The following FCHSD2 variants were observed in gnomAD, a reference collection of about 807,000 sequenced individuals.
FCHSD2 encodes the protein F-BAR and double SH3 domains protein 2.
A neutral mutation model predicts 108.1 loss-of-function variants in FCHSD2; 38 were observed. That is an observed-to-expected ratio of 0.35 (90% CI 0.27 to 0.46). FCHSD2 has a LOEUF of 0.46. Among genes scored for constraint, FCHSD2 ranks in the 20% least tolerant of loss-of-function variants. FCHSD2 has a pLI of 1.00. For synonymous variants in FCHSD2, 279 were observed against 314.7 expected, an observed-to-expected ratio of 0.89 and a Z score of 1.20; for missense variants, 751 against 897.8, an observed-to-expected ratio of 0.84 and a Z score of 2.09.
At chr11:72,932,268 T>G (rs1856208913) in intron 8 of FCHSD2, among the ~76,000 whole-genome samples, 1 of 152,220 alleles carries the variant, frequency 6.6e-6, no homozygotes, top group African/African-American at 2.4e-5. Flanking sequence ...TGCAGCAATC[T>G]TCTGTTGCCC....
chr11:73,120,584 C>T (rs1293881475), intron 2 of FCHSD2, among the ~76,000 whole-genome samples: 1 of 151,930 alleles, frequency 6.6e-6, no homozygotes, highest in Admixed American at 6.6e-5. Context: ...ACAAAATTAG[C>T]CGGGCGTGGT....
rs189844708 is a variant in FCHSD2 at position 72,915,446 on chromosome 11, C to T, written c.828+6382G>A. 3.9e-4 allele frequency among the ~76,000 whole-genome samples: 59 copies of T among 152,286 alleles called. No homozygotes were observed. The East Asian group carries it at 0.011, about 28-fold the overall frequency. On this transcript the variant is annotated intron_variant, in intron 9 of 19. Transcript: ENST00000409418. ...GTTCTATTATAAAGACATATGCCTG[C>T]TTATGTTCATTGCAGCACCATTCAC...
chr11:73,102,719 C>T lies in FCHSD2; in HGVS notation c.120-18979G>A, dbSNP rs1208024323. Among the ~76,000 whole-genome samples the T allele has an allele frequency of 2.0e-5, 3 of 152,180 alleles. No individual in the cohort carries two copies. In the East Asian group the frequency reaches 5.8e-4, roughly 29 times the overall value. On this transcript the variant is annotated intron_variant, in intron 2 of 19. Transcript: ENST00000409418. ...CCTTCTCTCTCTTTTTGCCCTTCTA[C>T]CTTTCTGCCATGTGATAATGCATCA...
Position 73,141,998 on chromosome 11 carries a change from G to T in FCHSD2, c.-121C>A. 1.0e-6 allele frequency: 1 copy of T among 988,690 alleles called. No homozygotes were observed. The highest frequency in any genetic ancestry group is 1.5e-5 in the South Asian group (1 of 66,306). The allele number at this position is 988,690 out of a possible 1,614,324, so 61.2% of individuals were successfully genotyped here. A position where few individuals can be genotyped will look rare whatever the true frequency, so the allele number is the denominator to read the frequency against. ...GCGCGTGTGTGAAAGGAGCGCTTAAGAAGCAAGACTTGCCCCGGAGGGAGC... is the reference window on the plus strand; with the variant it reads ...GCGCGTGTGTGAAAGGAGCGCTTAATAAGCAAGACTTGCCCCGGAGGGAGC... On this transcript the variant is annotated 5_prime_UTR_variant, in exon 1 of 20. Transcript: ENST00000409418.
At chr11:72,955,920 A>C (rs540227605) in intron 8 of FCHSD2, among the ~76,000 whole-genome samples, 1 of 152,328 alleles carries the variant, frequency 6.6e-6, no homozygotes, top group Middle Eastern at 3.4e-3. Context: ...TACGGACTCA[A>C]AGTAATAGCA....
chr11:73,033,306 G>T (rs1858410205), intron 3 of FCHSD2, among the ~76,000 whole-genome samples: 1 of 149,794 alleles, frequency 6.7e-6, no homozygotes, highest in Admixed American at 6.6e-5. Context: ...AAAAAAAGTA[G>T]TTAGACTACA....
chr11:73,066,975 C>T (rs958222058), intron 3 of FCHSD2, among the ~76,000 whole-genome samples: 1 of 152,130 alleles, frequency 6.6e-6, no homozygotes, highest in Non-Finnish European at 1.5e-5. Flanking sequence ...CAGAGATCCC[C>T]TTTACCAGGT....
chr11:73,137,126 C>T (rs1011822786), intron 2 of FCHSD2, among the ~76,000 whole-genome samples: 1 of 152,072 alleles, frequency 6.6e-6, no homozygotes, highest in African/African-American at 2.4e-5. Flanking sequence ...AGATCACCTC[C>T]TTCCTCAGGC....
chr11:72,962,592 A>G (rs1335192082), intron 8 of FCHSD2, among the ~76,000 whole-genome samples: 3 of 39,124 alleles, frequency 7.7e-5, no homozygotes, highest in Non-Finnish European at 1.7e-4. Flanking sequence ...GATATGAACT[A>G]AATTCCCCCT....
At chr11:73,028,066 G>C (rs1294613642) in intron 3 of FCHSD2, among the ~76,000 whole-genome samples, 1 of 152,246 alleles carries the variant, frequency 6.6e-6, no homozygotes, top group Non-Finnish European at 1.5e-5. Flanking sequence ...CTACAGAGGG[G>C]AAATGTGGGG....
At chr11:73,119,337 G>A (rs1010434805) in intron 2 of FCHSD2, among the ~76,000 whole-genome samples, 1 of 151,642 alleles carries the variant, frequency 6.6e-6, no homozygotes. Flanking sequence ...TCTCTAATAT[G>A]GGATATAGAA....
chr11:72,850,613 A>G (rs1430179301), intron 13 of FCHSD2, among the ~76,000 whole-genome samples: 1 of 151,836 alleles, frequency 6.6e-6, no homozygotes, highest in Admixed American at 6.6e-5. Flanking sequence ...TCAGCCTCCC[A>G]AAGTGCTGGG....
chr11:72,946,090 T>C (rs1169675332), intron 8 of FCHSD2, among the ~76,000 whole-genome samples: 1 of 152,118 alleles, frequency 6.6e-6, no homozygotes, highest in Non-Finnish European at 1.5e-5. Context: ...TAAAGACACA[T>C]GCATACATAT....
intron 8 of FCHSD2, among the ~76,000 whole-genome samples, chr11:72,977,068 G>C (rs537502928): frequency 1.3e-5 from 2 of 152,050 alleles, no homozygotes; most frequent in African/African-American, 4.8e-5. Flanking sequence ...GGGACTACAG[G>C]TGCCCACCAC....
chr11:73,137,236 A>C (rs1467900338), intron 2 of FCHSD2, among the ~76,000 whole-genome samples: 1 of 152,132 alleles, frequency 6.6e-6, no homozygotes, highest in Non-Finnish European at 1.5e-5. Flanking sequence ...CTCTTGTTTT[A>C]GTAGGTAATA....
intron 3 of FCHSD2, among the ~76,000 whole-genome samples, chr11:73,060,266 T>C (rs908256718): frequency 6.6e-6 from 1 of 152,236 alleles, no homozygotes; most frequent in Non-Finnish European, 1.5e-5. Context: ...TTTTGGCATT[T>C]AGGAAATTGA....
intron 2 of FCHSD2, among the ~76,000 whole-genome samples, chr11:73,102,508 G>A (rs1860248335): frequency 6.6e-6 from 1 of 152,212 alleles, no homozygotes; most frequent in Non-Finnish European, 1.5e-5. Context: ...ATCAACTGAT[G>A]AATGAATAAA....
chr11:72,895,316 T>C (rs1437478028), intron 10 of FCHSD2, among the ~76,000 whole-genome samples: 1 of 152,192 alleles, frequency 6.6e-6, no homozygotes, highest in African/African-American at 2.4e-5. Flanking sequence ...TATTCTTTTG[T>C]CTTGGATTAA....
intron 3 of FCHSD2, among the ~76,000 whole-genome samples, chr11:73,031,205 CG>C (rs1301456831): frequency 1.3e-5 from 2 of 152,048 alleles, no homozygotes; most frequent in African/African-American, 4.8e-5. Context: ...AGGCCGGGCA[CG>C]GTGGCTCACA....
Sources: gnomAD v4.1 joint callset for allele counts (sites outside exome capture counted in the v4.1 genomes callset) on GRCh38, gnomAD v4.1.1 for gene constraint, MANE v1.5 for transcripts, NCBI Gene and HGNC (gene_info 2026-07-23, HGNC 2026-07-21) for gene names.